TYW1: variants seen among roughly 807,000 people sequenced by gnomAD.
TYW1 encodes S-adenosyl-L-methionine-dependent tRNA 4-demethylwyosine synthase TYW1.
Under a neutral mutation model 96.2 loss-of-function variants are expected in TYW1, and 46 were observed. That is an observed-to-expected ratio of 0.48 (90% CI 0.38 to 0.61). TYW1 has a LOEUF of 0.61. Among genes scored for constraint, TYW1 ranks in the 20% least tolerant of loss-of-function variants. TYW1 has a pLI of 0.00. For missense variants in TYW1, 684 were observed against 909.6 expected (o/e 0.75, Z 3.19); for synonymous variants, 274 against 323.0 (o/e 0.85, Z 1.63).
chr7:67,210,941 C>T (rs538508156), intron 15 of TYW1, among the ~76,000 whole-genome samples: 1 of 150,876 alleles, frequency 6.6e-6, no homozygotes, highest in African/African-American at 2.4e-5. Context: ...TCCATCCATC[C>T]ATCATCTGTC....
At chr7:67,068,447 C>A (rs532850795) in intron 10 of TYW1, among the ~76,000 whole-genome samples, 20 of 152,324 alleles carry the variant, frequency 1.3e-4, no homozygotes, top group African/African-American at 4.8e-4. Flanking sequence ...ACTATCAGAT[C>A]TAATAGAAGC....
intron 13 of TYW1, among the ~76,000 whole-genome samples, chr7:67,182,628 T>G (rs1314288823): frequency 6.6e-6 from 1 of 152,130 alleles, no homozygotes; most frequent in Non-Finnish European, 1.5e-5. Context: ...AATGGCAACA[T>G]TGATAATCCA....
rs190635702 is a variant in TYW1 at position 67,138,035 on chromosome 7, A to G, written c.1698+20417A>G. Among the ~76,000 whole-genome samples, 340 of 152,274 alleles carry G rather than the reference A, an allele frequency of 2.2e-3. 2 individuals are homozygous for G. Among genetic ancestry groups the G allele is most frequent in the African/African-American group, 7.8e-3 (325 of 41,558 alleles). ...AGGCCTTGTGCTCTTGTTAATGCTTAAAGTGACTTTCTGAGAATGGGCTGG... is the reference window on the plus strand; with the variant it reads ...AGGCCTTGTGCTCTTGTTAATGCTTGAAGTGACTTTCTGAGAATGGGCTGG... On this transcript the variant is annotated intron_variant, in intron 13 of 15. Transcript: ENST00000359626.
chr7:67,160,233 G>A (rs62464971), intron 13 of TYW1, among the ~76,000 whole-genome samples: 6,164 of 152,210 alleles, frequency 0.04, 180 homozygotes, highest in Middle Eastern at 0.1. Context: ...CTGCACTCCA[G>A]CCTGAGCCAC....
intron 13 of TYW1, among the ~76,000 whole-genome samples, chr7:67,138,139 C>T: frequency 6.6e-6 from 1 of 152,102 alleles, no homozygotes; most frequent in East Asian, 1.9e-4. Context: ...GTTCCATCCC[C>T]TGTGAAGCCT....
At chr7:67,200,088 G>A (rs1162375169) in intron 15 of TYW1, among the ~76,000 whole-genome samples, 2 of 152,182 alleles carry the variant, frequency 1.3e-5, no homozygotes, top group Admixed American at 1.3e-4. Flanking sequence ...GGTTTAGTGG[G>A]GAAAATGACT....
rs1366704533 is a variant in TYW1, at chr7:67,011,689, C to T, written c.375+2005C>T. Among the ~76,000 whole-genome samples the T allele has an allele frequency of 3.3e-5, 5 of 151,752 alleles. No homozygotes were observed. The South Asian group carries it at 6.2e-4, about 19-fold the overall frequency. On this transcript the variant is annotated intron_variant, in intron 4 of 15. Transcript: ENST00000359626. ...GAGTTCGAGACCAGCCTGGCCAACA[C>T]GGTGAAACCACGTCTCTACTCAAAA...
chr7:67,100,599 C>G (rs533067989), intron 12 of TYW1, among the ~76,000 whole-genome samples: 1 of 152,152 alleles, frequency 6.6e-6, no homozygotes, highest in East Asian at 1.9e-4. Flanking sequence ...GTAATCCCAG[C>G]ACTTTGGGAG....
At chr7:67,181,705 G>A (rs191503425) in intron 13 of TYW1, among the ~76,000 whole-genome samples, 1 of 152,096 alleles carries the variant, frequency 6.6e-6, no homozygotes, top group Non-Finnish European at 1.5e-5. Context: ...ACAGATGCAT[G>A]TAATCATGTA....
At chr7:67,053,475 G>A (rs1293195901) in intron 8 of TYW1, among the ~76,000 whole-genome samples, 19 of 151,160 alleles carry the variant, frequency 1.3e-4, no homozygotes, top group African/African-American at 2.4e-5. Flanking sequence ...CTCCTCCTGA[G>A]TTCAAGCGAT....
At chr7:67,141,379 C>T (rs1325614170) in intron 13 of TYW1, among the ~76,000 whole-genome samples, 5 of 152,252 alleles carry the variant, frequency 3.3e-5, no homozygotes, top group East Asian at 1.9e-4. Context: ...CTAACCAACA[C>T]GCAAAATAAT....
At chr7:67,019,024 C>T (rs935064179) in intron 6 of TYW1, among the ~76,000 whole-genome samples, 32 of 36,610 alleles carry the variant, frequency 8.7e-4, no homozygotes, top group East Asian at 2.0e-3. Flanking sequence ...ACAGGCGTGA[C>T]CCACCGTGCC....
At chr7:67,175,112 T>C (rs1173663540) in intron 13 of TYW1, among the ~76,000 whole-genome samples, 3 of 151,888 alleles carry the variant, frequency 2.0e-5, no homozygotes, top group Middle Eastern at 3.4e-3. Context: ...ACACCAACCC[T>C]ACACAACTAT....
chr7:67,172,807 TC>T (rs1799556308), intron 13 of TYW1, among the ~76,000 whole-genome samples: 1 of 152,066 alleles, frequency 6.6e-6, no homozygotes, highest in African/African-American at 2.4e-5. Flanking sequence ...TGTCTCTTCT[TC>T]CAGCTGAAGG....
intron 15 of TYW1, among the ~76,000 whole-genome samples, chr7:67,201,236 C>T (rs774636389): frequency 5.5e-5 from 8 of 145,940 alleles, no homozygotes; most frequent in South Asian, 2.1e-4. Context: ...GAGGCTGAGG[C>T]GGGAGACTCA....
intron 13 of TYW1, among the ~76,000 whole-genome samples, chr7:67,182,496 T>C (rs1799872250): frequency 1.3e-5 from 2 of 152,010 alleles, no homozygotes; most frequent in Admixed American, 6.6e-5. Flanking sequence ...TCCAGGAGAT[T>C]GAGGCTGTGG....
intron 3 of TYW1, among the ~76,000 whole-genome samples, chr7:67,002,425 A>G (rs898610545): frequency 6.6e-6 from 1 of 152,066 alleles, no homozygotes; most frequent in African/African-American, 2.4e-5. Context: ...TGATTGATTC[A>G]TATTTGGTCG....
chr7:67,045,790 CAGGG>C (rs1795170280), intron 7 of TYW1, among the ~76,000 whole-genome samples: 1 of 152,098 alleles, frequency 6.6e-6, no homozygotes, highest in Admixed American at 6.6e-5. Flanking sequence ...AGGTTGGAGA[CAGGG>C]AGGCCATTTA....
At chr7:67,120,404 G>A (rs1471245599) in intron 13 of TYW1, among the ~76,000 whole-genome samples, 2 of 152,052 alleles carry the variant, frequency 1.3e-5, no homozygotes, top group African/African-American at 2.4e-5. Flanking sequence ...AGAATGAATG[G>A]GTGGAAACTC....
Sources: gnomAD v4.1 joint callset for allele counts (sites outside exome capture counted in the v4.1 genomes callset) on GRCh38, gnomAD v4.1.1 for gene constraint, MANE v1.5 for transcripts, NCBI Gene and HGNC (gene_info 2026-07-23, HGNC 2026-07-21) for gene names.